Variants in PPA2 observed in about 807,000 individuals in gnomAD.
PPA2 encodes the protein inorganic pyrophosphatase 2, also known as inorganic pyrophosphatase 2, mitochondrial.
PPA2 carries 48 observed loss-of-function variants against 49.5 expected under a neutral mutation model. The observed-to-expected ratio is 0.97, with a 90% CI of 0.77 to 1.23. The LOEUF is 1.23. Among genes scored for constraint, PPA2 ranks in the 50% most tolerant of loss-of-function variants. PPA2 has a pLI of 0.00. For missense variants in PPA2, 429 were observed against 410.1 expected, an observed-to-expected ratio of 1.05 and a Z score of -0.40; for synonymous variants, 131 against 139.9, an observed-to-expected ratio of 0.94 and a Z score of 0.45.
At chr4:105,380,406 G>C (rs770221589) in intron 10 of PPA2, among the ~76,000 whole-genome samples, 9 of 152,080 alleles carry the variant, frequency 5.9e-5, no homozygotes, top group Non-Finnish European at 1.0e-4. Flanking sequence ...CTGCCTAAAG[G>C]CTTACCAGTT....
chr4:105,449,905 C>A (rs934559068), intron 3 of PPA2, among the ~76,000 whole-genome samples: 6 of 152,132 alleles, frequency 3.9e-5, no homozygotes, highest in African/African-American at 1.4e-4. Flanking sequence ...ATCCAAGTTA[C>A]AATCACAGTG....
intron 10 of PPA2, among the ~76,000 whole-genome samples, chr4:105,380,691 G>A (rs543525283): frequency 2.0e-4 from 30 of 151,924 alleles, no homozygotes; most frequent in South Asian, 1.2e-3. Context: ...TGAAATTGAC[G>A]TTTACTTTTC....
At chr4:105,443,861 T>C (rs1316559697) in intron 5 of PPA2, among the ~76,000 whole-genome samples, 1 of 152,160 alleles carries the variant, frequency 6.6e-6, no homozygotes, top group South Asian at 2.1e-4. Flanking sequence ...TTCCTCTAGA[T>C]GTCCACACTA....
At chr4:105,431,185 A>G (rs1345789096) in intron 6 of PPA2, among the ~76,000 whole-genome samples, 2 of 152,190 alleles carry the variant, frequency 1.3e-5, no homozygotes, top group Non-Finnish European at 2.9e-5. Flanking sequence ...TTTGCATGTA[A>G]TTATATCAAA....
intron 7 of PPA2, among the ~76,000 whole-genome samples, chr4:105,416,879 C>A (rs1012941161): frequency 6.6e-6 from 1 of 152,018 alleles, no homozygotes; most frequent in African/African-American, 2.4e-5. Context: ...TGTGTATTAA[C>A]ATCATGAAAA....
intron 10 of PPA2, among the ~76,000 whole-genome samples, chr4:105,382,488 C>A (rs949037094): frequency 5.3e-5 from 8 of 152,114 alleles, no homozygotes; most frequent in Admixed American, 3.3e-4. Flanking sequence ...TAAAGACTAT[C>A]AACTAATATT....
chr4:105,440,691 A>C (rs1444394979), intron 5 of PPA2, among the ~76,000 whole-genome samples: 3 of 151,536 alleles, frequency 2.0e-5, no homozygotes, highest in Non-Finnish European at 4.4e-5. Flanking sequence ...AATTTTGATG[A>C]GCATTAATTT....
intron 1 of PPA2, among the ~76,000 whole-genome samples, chr4:105,459,531 T>C (rs1670742402): frequency 6.6e-6 from 1 of 152,236 alleles, no homozygotes; most frequent in Non-Finnish European, 1.5e-5. Flanking sequence ...AAGTTAAACA[T>C]ACAATTAGCA....
intron 7 of PPA2, among the ~76,000 whole-genome samples, chr4:105,413,244 C>G (rs956363729): frequency 2.0e-5 from 3 of 151,582 alleles, no homozygotes; most frequent in Admixed American, 6.6e-5. Flanking sequence ...AAACCAAACA[C>G]CACTCATAGG....
intron 3 of PPA2, among the ~76,000 whole-genome samples, chr4:105,450,598 A>ATTT (rs1560637285): frequency 4.7e-5 from 3 of 63,318 alleles, no homozygotes; most frequent in African/African-American, 1.6e-4. Context: ...CTGGTCTGGA[A>ATTT]TTCTTTTTTT....
intron 7 of PPA2, among the ~76,000 whole-genome samples, chr4:105,411,752 C>T (rs575710594): frequency 9.2e-5 from 14 of 152,320 alleles, no homozygotes; most frequent in African/African-American, 3.1e-4. Context: ...TCTCAGGATA[C>T]AAAATCAATG....
At chr4:105,414,488 G>A (rs1172999107) in intron 7 of PPA2, among the ~76,000 whole-genome samples, 1 of 152,232 alleles carries the variant, frequency 6.6e-6, no homozygotes, top group South Asian at 2.1e-4. Flanking sequence ...CAAAGGGCAG[G>A]CAACTCCGGG....
chr4:105,433,702 T>C lies in PPA2; in HGVS notation c.528+4248A>G, dbSNP rs1723921613. On this transcript the variant is annotated intron_variant, in intron 6 of 11. Transcript: ENST00000341695. ...AATTGTCTGAAATACTGTCTGTTCC[T>C]TTCCCATTCCCTGCCCTCCGGCATG... Among the ~76,000 whole-genome samples, 4 of 152,226 alleles carry C rather than the reference T, an allele frequency of 2.6e-5. 1 individual carries two copies. Among genetic ancestry groups the C allele is most frequent in the Admixed American group, 1.3e-4 (2 of 15,282 alleles).
chr4:105,377,453 T>G (rs1229423756), intron 10 of PPA2, among the ~76,000 whole-genome samples: 1 of 152,130 alleles, frequency 6.6e-6, no homozygotes, highest in Non-Finnish European at 1.5e-5. Context: ...TGTAAATAAA[T>G]TAAAATTTGT....
intron 1 of PPA2, among the ~76,000 whole-genome samples, chr4:105,468,581 G>C (rs79544292): frequency 0.03 from 4,523 of 152,226 alleles, 207 homozygotes; most frequent in African/African-American, 0.093. Flanking sequence ...CCTAAGTTAG[G>C]TGATCCTTGA....
intron 8 of PPA2, 59 bp from the exon 9 acceptor site, chr4:105,396,393 T>C (rs912811865): frequency 8.6e-7 from 1 of 1,164,526 alleles, no homozygotes; most frequent in Non-Finnish European, 1.2e-6. Flanking sequence ...ATTGTTACAC[T>C]AACACAAAAC....
At chr4:105,398,418 T>TA (rs1171924748) in intron 8 of PPA2, 1 of 152,218 alleles carries the variant, frequency 6.6e-6, no homozygotes, top group Admixed American at 6.5e-5. Context: ...ATTTCACTTA[T>TA]AAAACATACT....
chr4:105,421,074 C>A (rs1723229781), intron 7 of PPA2, among the ~76,000 whole-genome samples: 1 of 151,944 alleles, frequency 6.6e-6, no homozygotes, highest in African/African-American at 2.4e-5. Context: ...ATGTAGAAAC[C>A]AAATGCTCTA....
At chr4:105,449,552 T>A (rs887689754) in intron 3 of PPA2, 149 bp from the exon 4 acceptor site, 1 of 497,902 alleles carries the variant, frequency 2.0e-6, no homozygotes, top group African/African-American at 2.0e-5. Context: ...CCTTAAATTT[T>A]TTCTAGAAAT....
Sources: gnomAD v4.1 joint callset for allele counts (sites outside exome capture counted in the v4.1 genomes callset) on GRCh38, gnomAD v4.1.1 for gene constraint, MANE v1.5 for transcripts, NCBI Gene and HGNC (gene_info 2026-07-23, HGNC 2026-07-21) for gene names.